SMG1: variants seen among roughly 807,000 people sequenced by gnomAD.
SMG1 encodes SMG1 nonsense mediated mRNA decay associated PI3K related kinase.
A neutral mutation model predicts 419.9 loss-of-function variants in SMG1; 22 were observed. The ratio of observed to expected loss-of-function variants is 0.05; its 90% CI spans 0.04 to 0.07. The LOEUF (loss-of-function observed/expected upper bound fraction) is 0.07, where lower values mean the gene tolerates loss of function less well. Ranked by LOEUF, SMG1 falls within the 10% of genes least tolerant of loss-of-function variation. The probability of loss-of-function intolerance (pLI) is 1.00; values close to 1 mark genes in which losing one functional copy is unlikely to be tolerated. For synonymous variants in SMG1, 1,538 were observed against 1,553.5 expected, an observed-to-expected ratio of 0.99 and a Z score of 0.23; for missense variants, 3,185 against 4,342.0, an observed-to-expected ratio of 0.73 and a Z score of 7.49.
rs769298227 is a variant in SMG1 at position 18,811,733 on chromosome 16, G to A, written c.10908+28C>T. ...TCTACTTTTCCAGCAGCATTAAAAT[G>A]TGTAGCCCAAGTTTAAAACACGGTC... On this transcript the variant is annotated intron_variant, in intron 62 of 62. Coordinates refer to ENST00000446231, the MANE Select transcript of SMG1 (RefSeq NM_015092.5). 1.9e-6 allele frequency: 3 copies of A among 1,583,648 alleles called. No homozygotes were observed. In the East Asian group the frequency reaches 6.7e-5, roughly 35 times the overall value.
intron 6 of SMG1, among the ~76,000 whole-genome samples, chr16:18,888,106 A>C (rs1236949015): frequency 6.9e-6 from 1 of 145,336 alleles, no homozygotes; most frequent in Non-Finnish European, 1.5e-5. Flanking sequence ...CAGAAGTTGC[A>C]GTGAGCCGAG....
rs779095254 is a variant in SMG1 at position 18,842,310 on chromosome 16, G to A, written c.6364C>T (p.His2122Tyr). Residue 2122 changes from histidine (H) to tyrosine (Y), a missense_variant, in exon 40 of 63, where the codon CAT becomes TAT. His to Tyr is a moderately conservative substitution (Grantham distance 83, BLOSUM62 2). This residue lies in a region of SMG1 where 159 missense variants were observed against 196.0 expected (regional missense o/e 0.81). Coordinates refer to ENST00000446231, the MANE Select transcript of SMG1 (RefSeq NM_015092.5). ...EVSARDTVTI[H>Y]SVGGTITILP... is the part of the protein sequence containing the mutation. ...ATTGTGATGGTTCCGCCCACACTAT[G>A]GATTGTGACAGTGTCTCTGGCTGAG... 58 of 1,613,860 alleles carry A rather than the reference G, an allele frequency of 3.6e-5. No homozygotes were observed. The highest frequency in any genetic ancestry group is 4.2e-5 in the Non-Finnish European group (50 of 1,179,884).
intron 1 of SMG1, among the ~76,000 whole-genome samples, chr16:18,923,547 T>C (rs2038277541): frequency 6.6e-6 from 1 of 151,762 alleles, no homozygotes. Context: ...CAGGAGAATT[T>C]TTCCTTGTAA....
chr16:18,899,203 T>C (rs773519123), intron 1 of SMG1, among the ~76,000 whole-genome samples: 12 of 152,196 alleles, frequency 7.9e-5, no homozygotes, highest in Non-Finnish European at 1.5e-4. Flanking sequence ...AGAAACCGGG[T>C]AATCTGTTGC....
chr16:18,853,787 C>A lies in SMG1; in HGVS notation c.4564G>T (p.Ala1522Ser), dbSNP rs778445401. The A allele has an allele frequency of 1.9e-6, 3 of 1,613,790 alleles. No individual in the cohort carries two copies. In the Admixed American group the frequency reaches 5.0e-5, roughly 27 times the overall value. The change falls in exon 31 of 63, where the codon GCT becomes TCT. Residue 1522 changes from alanine (A) to serine (S), a missense_variant. By Grantham distance (99) the Ala-to-Ser change is moderately conservative. Transcript: ENST00000446231. ...CKSVKAEYAV[A>S]KSILTLAKWI... The stretch of plus-strand genomic sequence containing the variant: ...TTAGCCAGTGTCAGAATTGATTTAG[C>A]AACTGCATATTCAGCTTTCACAGAC...
Position 18,838,353 on chromosome 16 carries a change from A to G in SMG1, c.7194+4T>C, listed in dbSNP as rs1334322347. ...ACTAAAAGGGAGAAGAGAAAACAGC[A>G]TACCTGCTCACATGAAAGCCTAAAT... On this transcript the variant is annotated splice_donor_region_variant and intron_variant, in intron 44 of 62. Transcript: ENST00000446231. The G allele has an allele frequency of 6.2e-7, 1 of 1,606,890 alleles. No individual in the cohort carries two copies. The highest frequency in any genetic ancestry group is 8.5e-7 in the Non-Finnish European group (1 of 1,176,050).
In SMG1 at chr16:18,849,940, A is replaced by G; in HGVS notation, c.5461+9T>C. On this transcript the variant is annotated intron_variant, in intron 35 of 62. Coordinates refer to ENST00000446231, the MANE Select transcript of SMG1 (RefSeq NM_015092.5). Reference sequence around the variant, plus strand: ...CTATTTTTCCTGAAACATTTTATGCAGGTCTCACCTCTCCATGGTGCAGTG... The same window carrying G: ...CTATTTTTCCTGAAACATTTTATGCGGGTCTCACCTCTCCATGGTGCAGTG... 6.2e-7 allele frequency: 1 copy of G among 1,604,880 alleles called. No individual in the cohort carries two copies. Among genetic ancestry groups the G allele is most frequent in the Non-Finnish European group, 8.5e-7 (1 of 1,176,518 alleles).
At chr16:18,871,259 C>T in intron 16 of SMG1, 105 bp downstream of exon 16, 2 of 572,752 alleles carry the variant, frequency 3.5e-6, no homozygotes, top group Middle Eastern at 4.8e-4. Context: ...GATTACACAT[C>T]TTCAGGTCAG....
rs527996736 is a variant in SMG1 at position 18,882,435 on chromosome 16, A to C, written c.1120-97T>G. On this transcript the variant is annotated intron_variant, in intron 9 of 62. Transcript: ENST00000446231. ...TATTTCAATCAATTCATTTTAGAAT[A>C]GATTTTTAGGCTTTTAGAAAGAGAA... is the stretch of plus-strand genomic sequence containing the variant. The C allele has an allele frequency of 6.3e-5, 42 of 663,392 alleles. No homozygotes were observed. The South Asian group carries it at 1.7e-3, about 27-fold the overall frequency. The allele number at this position is 663,392 out of a possible 1,614,324, so 41.1% of individuals were successfully genotyped here.
chr16:18,907,314 T>C (rs1334456276), intron 1 of SMG1, among the ~76,000 whole-genome samples: 1 of 152,080 alleles, frequency 6.6e-6, no homozygotes, highest in Non-Finnish European at 1.5e-5. Context: ...CAACTAATTG[T>C]ACACCTAAAT....
At position 18,873,663 on chromosome 16, in the gene SMG1, G is replaced by A. The variant is rs7204247; in HGVS notation, c.1891-1039C>T. 2.7e-3 allele frequency among the ~76,000 whole-genome samples: 409 copies of A among 152,346 alleles called. 2 individuals carry two copies. Among genetic ancestry groups the A allele is most frequent in the African/African-American group, 9.3e-3 (388 of 41,580 alleles). ...GTATTTGGCCCATGGACCATAGTTT[G>A]CCGATCTCTGGTCTAAACAAAGCCC... On this transcript the variant is annotated intron_variant, in intron 13 of 62. Coordinates refer to ENST00000446231, the MANE Select transcript of SMG1 (RefSeq NM_015092.5).
At chr16:18,845,014 T>C (rs934906491) in intron 39 of SMG1, among the ~76,000 whole-genome samples, 1 of 152,264 alleles carries the variant, frequency 6.6e-6, no homozygotes, top group African/African-American at 2.4e-5. Flanking sequence ...TATGTTGTTA[T>C]AAGCGACTAT....
chr16:18,820,443 A>T (rs527570674), intron 55 of SMG1, among the ~76,000 whole-genome samples: 19 of 151,872 alleles, frequency 1.3e-4, no homozygotes, highest in Non-Finnish European at 1.9e-4. Flanking sequence ...GCCTCAAGCA[A>T]TCCACCCACC....
intron 1 of SMG1, among the ~76,000 whole-genome samples, chr16:18,905,198 T>C (rs919783085): frequency 5.9e-5 from 9 of 151,980 alleles, no homozygotes; most frequent in East Asian, 1.9e-4. Context: ...GAGGTGGAGG[T>C]TGCAGTGAGC....
At chr16:18,852,032 T>C (rs2034632886) in intron 33 of SMG1, 35 bp downstream of exon 33, 1 of 1,562,584 alleles carries the variant, frequency 6.4e-7, no homozygotes, top group African/African-American at 1.4e-5. Flanking sequence ...TGATTTGGAG[T>C]AGCAATCTTG....
chr16:18,844,570 T>TCACTCACACACACA (rs2034143259), intron 39 of SMG1, among the ~76,000 whole-genome samples: 1 of 88,522 alleles, frequency 1.1e-5, no homozygotes, highest in African/African-American at 5.7e-5. Flanking sequence ...CATCCTTCTC[T>TCACTCACACACACA]CACACACACA....
chr16:18,828,466 G>T (rs735173), intron 54 of SMG1, among the ~76,000 whole-genome samples: 10,685 of 152,282 alleles, frequency 0.07, 377 homozygotes, highest in African/African-American at 0.095. Context: ...AGGAAGTTAA[G>T]TACAAGTTTA....
At chr16:18,868,003 C>T (rs947165109) in intron 22 of SMG1, among the ~76,000 whole-genome samples, 187 bp downstream of exon 22, 2 of 152,092 alleles carry the variant, frequency 1.3e-5, no homozygotes, top group East Asian at 1.9e-4. Context: ...CCACCGCGCC[C>T]GGCCTATTTT....
chr16:18,842,145 C>G, intron 40 of SMG1, 63 bp downstream of exon 40: 7 of 1,521,970 alleles, frequency 4.6e-6, no homozygotes, highest in Non-Finnish European at 6.2e-6. Flanking sequence ...CACACCCACA[C>G]TCACACAAAG....
Sources: allele counts gnomAD v4.1 joint callset (sites outside exome capture counted in the v4.1 genomes callset), GRCh38; gene constraint gnomAD v4.1.1; regional missense constraint gnomAD v4.1.1; transcripts MANE v1.5; gene names NCBI Gene and HGNC (gene_info 2026-07-23, HGNC 2026-07-21).